The following NUP85 variants were observed in gnomAD, a reference collection of about 807,000 sequenced individuals.
NUP85 encodes the protein nucleoporin 85, also known as nuclear pore complex protein Nup85.
A neutral mutation model predicts 92.8 loss-of-function variants in NUP85; 23 were observed. The observed-to-expected ratio is 0.25, with a 90% CI of 0.18 to 0.35. The LOEUF (loss-of-function observed/expected upper bound fraction) is 0.35. Ranked by LOEUF, NUP85 falls within the 10% of genes least tolerant of loss-of-function variation. The probability of loss-of-function intolerance (pLI) is 1.00; values close to 1 mark genes in which losing one functional copy is unlikely to be tolerated. For missense variants in NUP85, 759 were observed against 822.8 expected, an observed-to-expected ratio of 0.92 and a Z score of 0.95; for synonymous variants, 314 against 306.9, an observed-to-expected ratio of 1.02 and a Z score of -0.24.
chr17:75,215,485 C>T (rs2075401876), intron 5 of NUP85, among the ~76,000 whole-genome samples: 1 of 152,238 alleles, frequency 6.6e-6, no homozygotes, highest in East Asian at 1.9e-4. Context: ...GCTGGGATTA[C>T]AGGAATGAGC....
intron 16 of NUP85, 86 bp downstream of exon 16, chr17:75,233,244 C>T (rs1186868210): frequency 6.7e-6 from 7 of 1,048,212 alleles, no homozygotes; most frequent in African/African-American, 1.6e-5. Flanking sequence ...CTTCTCCCAG[C>T]GCTTCCTTCA....
chr17:75,223,391 T>C (rs1230107342), intron 7 of NUP85, among the ~76,000 whole-genome samples: 1 of 152,130 alleles, frequency 6.6e-6, no homozygotes, highest in Non-Finnish European at 1.5e-5. Context: ...TTTTATGTTA[T>C]GTTATGTTAT....
chr17:75,225,971 GGTTC>G (rs2075778446), intron 10 of NUP85, 76 bp from the exon 11 acceptor site: 8 of 1,599,038 alleles, frequency 5.0e-6, no homozygotes, highest in Non-Finnish European at 6.8e-6. Context: ...CCTTCTCTGG[GGTTC>G]GTTATACAGC....
intron 11 of NUP85, among the ~76,000 whole-genome samples, chr17:75,229,969 C>T (rs921102213): frequency 2.0e-5 from 3 of 151,950 alleles, no homozygotes; most frequent in Non-Finnish European, 4.4e-5. Context: ...CTGGCCCAGC[C>T]CACTCCCTCC....
At position 75,225,829 on chromosome 17, in the gene NUP85, G is replaced by C. The variant is rs757686047; in HGVS notation, c.987G>C (p.Gln329His). 3 of 1,614,154 alleles carry C rather than the reference G, an allele frequency of 1.9e-6. No homozygotes were observed. The highest frequency in any genetic ancestry group is 2.5e-6 in the Non-Finnish European group (3 of 1,180,020). The change falls in exon 10 of 19, where the codon CAG becomes CAC. Residue 329 changes from glutamine (Q) to histidine (H), a missense_variant and splice_region_variant. Physicochemically the swap from Gln to His is conservative, Grantham distance 24. Coordinates refer to ENST00000245544, the MANE Select transcript of NUP85 (RefSeq NM_024844.5). ...VKPIDLHYYAQSSLDLFLGGE... is the reference protein window; with the variant it reads ...VKPIDLHYYAHSSLDLFLGGE... The stretch of plus-strand genomic sequence containing the variant: ...CCATTGATCTGCACTACTATGCCCA[G>C]GTGAGTGAGCTCGGGGTGGGCAAGG...
chr17:75,233,446 T>C (rs1323367506), intron 16 of NUP85, among the ~76,000 whole-genome samples: 1 of 143,510 alleles, frequency 7.0e-6, no homozygotes, highest in African/African-American at 2.6e-5. Context: ...TCTTTTTTTT[T>C]TTTTTTGAGA....
intron 2 of NUP85, among the ~76,000 whole-genome samples, chr17:75,208,964 G>A (rs2015359): frequency 0.91 from 138,960 of 152,032 alleles, 64,489 homozygotes; most frequent in Non-Finnish European, 1. Flanking sequence ...GGCTGGTCTC[G>A]CACTCCTGGC....
At chr17:75,224,757 G>C (rs902653117) in intron 7 of NUP85, among the ~76,000 whole-genome samples, 1 of 151,826 alleles carries the variant, frequency 6.6e-6, no homozygotes, top group African/African-American at 2.4e-5. Flanking sequence ...GCTTGAACCC[G>C]GGAAGTGGAG....
At chr17:75,235,234 T>G (rs1362306669) in intron 18 of NUP85, 33 bp downstream of exon 18, 1 of 1,541,340 alleles carries the variant, frequency 6.5e-7, no homozygotes, top group Admixed American at 1.8e-5. Context: ...TGGTTCCACA[T>G]GGAGGTGGGA....
At chr17:75,215,240 G>T (rs1401348907) in intron 5 of NUP85, among the ~76,000 whole-genome samples, 1 of 152,118 alleles carries the variant, frequency 6.6e-6, no homozygotes, top group Non-Finnish European at 1.5e-5. Flanking sequence ...TTTGAGACAA[G>T]GTCTCGCTCT....
rs1418540916 is a variant in NUP85, at chr17:75,225,821, T to C, written c.979T>C (p.Tyr327His). Residue 327 changes from tyrosine to histidine, a missense_variant, in exon 10 of 19, where the codon TAT becomes CAT. Coordinates refer to ENST00000245544, the MANE Select transcript of NUP85 (RefSeq NM_024844.5). ...PTVKPIDLHY[Y>H]AQSSLDLFLG... Reference sequence around the variant, plus strand: ...AGTAAAACCCATTGATCTGCACTACTATGCCCAGGTGAGTGAGCTCGGGGT... The same window carrying C: ...AGTAAAACCCATTGATCTGCACTACCATGCCCAGGTGAGTGAGCTCGGGGT... 1.9e-6 allele frequency: 3 copies of C among 1,614,080 alleles called. No individual in the cohort carries two copies. Among genetic ancestry groups the C allele is most frequent in the Middle Eastern group, 3.3e-4 (2 of 6,060 alleles).
chr17:75,228,290 C>T (rs1287351863), intron 11 of NUP85: 1 of 985,290 alleles, frequency 1.0e-6, no homozygotes, highest in African/African-American at 1.7e-5. Context: ...AACAACATCA[C>T]TCTCGTGCCG....
intron 6 of NUP85, among the ~76,000 whole-genome samples, chr17:75,217,864 T>A (rs2075479394): frequency 6.6e-6 from 1 of 152,160 alleles, no homozygotes; most frequent in African/African-American, 2.4e-5. Context: ...CATTGTTGGT[T>A]CCTAAACGGC....
rs2075203456 is a variant in NUP85 at position 75,209,835 on chromosome 17, T to C, written c.140T>C (p.Met47Thr). The change falls in exon 3 of 19, where the codon ATG (methionine) becomes ACG (threonine). Residue 47 changes from methionine to threonine, a missense_variant. Coordinates refer to ENST00000245544, the MANE Select transcript of NUP85 (RefSeq NM_024844.5). ...TSFNKKEKSEMVPSCPFIYII... is the reference protein window; with the variant it reads ...TSFNKKEKSETVPSCPFIYII... ...TGTTTGGTTTCAGAAAAATCAGAGA[T>C]GGTGCCAAGTTGCCCCTTTATCTAT... 6.3e-7 allele frequency: 1 copy of C among 1,577,548 alleles called. No individual in the cohort carries two copies. Among genetic ancestry groups the C allele is most frequent in the Non-Finnish European group, 8.5e-7 (1 of 1,169,888 alleles).
intron 11 of NUP85, among the ~76,000 whole-genome samples, chr17:75,230,833 T>A (rs2076025467): frequency 6.6e-6 from 1 of 152,162 alleles, no homozygotes; most frequent in Non-Finnish European, 1.5e-5. Context: ...GGCATGAGAA[T>A]TGCTTGAACC....
chr17:75,235,724 T>C lies in NUP85; in HGVS notation c.*45T>C, dbSNP rs1195401844. On this transcript the variant is annotated 3_prime_UTR_variant, in exon 19 of 19. Transcript: ENST00000245544. Reference sequence around the variant, plus strand: ...TCTTTGTATGGCAATGTATATAGATTTTTTTAAAAGAATAAATGTTGTTTT... The same window carrying C: ...TCTTTGTATGGCAATGTATATAGATCTTTTTAAAAGAATAAATGTTGTTTT... 8.2e-7 allele frequency: 1 copy of C among 1,218,210 alleles called. No individual in the cohort carries two copies. The highest frequency in any genetic ancestry group is 1.1e-6 in the Non-Finnish European group (1 of 902,764). 75.5% of individuals were successfully genotyped at this position (1,218,210 alleles called of 1,614,324 possible). A position where few individuals can be genotyped will look rare whatever the true frequency, so the allele number is the denominator to read the frequency against.
chr17:75,207,925 G>A (rs1420191049), intron 1 of NUP85, among the ~76,000 whole-genome samples: 1 of 152,088 alleles, frequency 6.6e-6, no homozygotes, highest in African/African-American at 2.4e-5. Flanking sequence ...AGCAGGCAGA[G>A]GTTGCAGTGA....
In NUP85 at chr17:75,231,500, A is replaced by T; in HGVS notation, c.1179-73A>T. The T allele has an allele frequency of 6.2e-7, 1 of 1,609,508 alleles. No individual in the cohort carries two copies. Among genetic ancestry groups the T allele is most frequent in the East Asian group, 2.2e-5 (1 of 44,848 alleles). Reference sequence around the variant, plus strand: ...GGGTGGTGTGAACTGAATGCCTGAAAGGGAGGTTGGGCTAAGGGGGCCCTG... The same window carrying T: ...GGGTGGTGTGAACTGAATGCCTGAATGGGAGGTTGGGCTAAGGGGGCCCTG... On this transcript the variant is annotated intron_variant, in intron 12 of 18. Transcript: ENST00000245544. This position sits in a 1 kb window ranked among gnomAD's most constrained non-coding sequence, Gnocchi z 4.6.
At position 75,231,906 on chromosome 17, in the gene NUP85, G is replaced by C; in HGVS notation, c.1323G>C (p.Arg441=). 9.3e-6 allele frequency: 15 copies of C among 1,614,226 alleles called. No homozygotes were observed. Among genetic ancestry groups the C allele is most frequent in the Non-Finnish European group, 1.2e-5 (14 of 1,180,044 alleles). Residue 441 remains arginine, a synonymous_variant, in exon 14 of 19, where the codon CGG becomes CGC. Transcript: ENST00000245544. The surrounding 1 kb of genome is among the most constrained non-coding windows in gnomAD (Gnocchi z 4.6). ...GRVSLELHIE[R]IPLNTEQKAL... ...TCTCCCTGGAGCTGCACATTGAGCG[G>C]ATACCTCTGAACACCGAGCAGAAAG... is the stretch of plus-strand genomic sequence containing the variant.
Sources: gnomAD v4.1 joint callset for allele counts (sites outside exome capture counted in the v4.1 genomes callset) on GRCh38, gnomAD v4.1.1 for gene constraint, Gnocchi (gnomAD v3.1) non-coding constraint, MANE v1.5 for transcripts, NCBI Gene and HGNC (gene_info 2026-07-23, HGNC 2026-07-21) for gene names.